RALGAPA1: variants seen among roughly 807,000 people sequenced by gnomAD.
RALGAPA1 encodes ral GTPase-activating protein subunit alpha-1.
A neutral mutation model predicts 269.6 loss-of-function variants in RALGAPA1; 52 were observed. The observed-to-expected ratio is 0.19, with a 90% CI of 0.15 to 0.24. The LOEUF (loss-of-function observed/expected upper bound fraction) is 0.24. Among genes scored for constraint, RALGAPA1 ranks in the 10% least tolerant of loss-of-function variants. The probability of loss-of-function intolerance (pLI) is 1.00; values close to 1 mark genes in which losing one functional copy is unlikely to be tolerated. For synonymous variants in RALGAPA1, 817 were observed against 1,008.3 expected (o/e 0.81, Z 3.60); for missense variants, 1,917 against 3,013.9 (o/e 0.64, Z 8.52).
chr14:35,654,285 T>G, intron 30 of RALGAPA1, 82 bp downstream of exon 30: 2 of 1,373,132 alleles, frequency 1.5e-6, no homozygotes, highest in Non-Finnish European at 9.6e-7. Flanking sequence ...ATTTTAAAAC[T>G]ATTAAATAAT....
chr14:35,655,728 C>A (rs1041678731), intron 29 of RALGAPA1, 79 bp downstream of exon 29: 53 of 1,522,022 alleles, frequency 3.5e-5, no homozygotes, highest in Non-Finnish European at 4.6e-5. Context: ...AAATGTTACA[C>A]AAGATACCAT....
At chr14:35,672,459 A>T (rs1309434193) in intron 25 of RALGAPA1, among the ~76,000 whole-genome samples, 6 of 152,120 alleles carry the variant, frequency 3.9e-5, no homozygotes, top group Admixed American at 6.5e-5. Flanking sequence ...TGATGTGCTG[A>T]TTCTTAGATT....
chr14:35,726,317 C>T (rs1447463299), intron 13 of RALGAPA1, among the ~76,000 whole-genome samples: 1 of 152,184 alleles, frequency 6.6e-6, no homozygotes, highest in Non-Finnish European at 1.5e-5. Flanking sequence ...CATTTGTAAC[C>T]TTATGCTTCT....
At chr14:35,780,821 T>C (rs951514058) in intron 1 of RALGAPA1, among the ~76,000 whole-genome samples, 1 of 152,038 alleles carries the variant, frequency 6.6e-6, no homozygotes. Flanking sequence ...GCTGGGTGCG[T>C]TGGTTCACGC....
At chr14:35,724,844 A>G (rs2069741977) in intron 14 of RALGAPA1, among the ~76,000 whole-genome samples, 180 bp downstream of exon 14, 3 of 152,358 alleles carry the variant, frequency 2.0e-5, no homozygotes, top group East Asian at 3.9e-4. Context: ...TAGATGAGCA[A>G]CTTTTAAGTT....
intron 31 of RALGAPA1, among the ~76,000 whole-genome samples, chr14:35,647,692 C>T (rs1167719802): frequency 6.6e-6 from 1 of 152,106 alleles, no homozygotes; most frequent in Non-Finnish European, 1.5e-5. Context: ...GTGGCTCACG[C>T]CTGTAATCCC....
intron 11 of RALGAPA1, among the ~76,000 whole-genome samples, chr14:35,739,609 C>G (rs1231869952): frequency 6.6e-6 from 1 of 152,182 alleles, no homozygotes; most frequent in Non-Finnish European, 1.5e-5. Flanking sequence ...GTTTAAAATT[C>G]CCATCCATGT....
chr14:35,753,995 T>G (rs2141283333), intron 7 of RALGAPA1, among the ~76,000 whole-genome samples: 1 of 152,296 alleles, frequency 6.6e-6, no homozygotes, highest in African/African-American at 2.4e-5. Flanking sequence ...AAATACTTGT[T>G]GATTTTCCAG....
In RALGAPA1 at chr14:35,678,083, T is replaced by G; in HGVS notation, c.4491A>C (p.Pro1497=). The change falls in exon 22 of 42, where the codon CCA becomes CCC. Residue 1497 remains proline, a synonymous_variant. Coordinates refer to ENST00000680220, the MANE Select transcript of RALGAPA1 (RefSeq NM_001346249.2). ...ACCTGGAGCCCAGAGGTGAGTGGAC[T>G]GGGGAAGCACTTTCTGAACCTGTAA... is the stretch of plus-strand genomic sequence containing the variant. ...ATITGSESAS[P]VHSPLGSRSQ... 6.2e-7 allele frequency: 1 copy of G among 1,606,016 alleles called. No homozygotes were observed.
chr14:35,711,910 T>C (rs777023041), intron 16 of RALGAPA1, among the ~76,000 whole-genome samples: 7 of 152,172 alleles, frequency 4.6e-5, no homozygotes, highest in Admixed American at 4.6e-4. Context: ...TCACCTAATA[T>C]GTTTTCGGTT....
intron 16 of RALGAPA1, among the ~76,000 whole-genome samples, chr14:35,713,867 G>GAGACCAGCCTGGCCAACGT (rs2068577125): frequency 6.6e-6 from 1 of 152,102 alleles, no homozygotes; most frequent in Non-Finnish European, 1.5e-5. Context: ...AGGCCCAGGC[G>GAGACCAGCCTGGCCAACGT]GGTGGACTAC....
At chr14:35,655,679 A>T (rs1274026964) in intron 29 of RALGAPA1, 128 bp downstream of exon 29, 50 of 1,330,432 alleles carry the variant, frequency 3.8e-5, no homozygotes, top group Non-Finnish European at 4.7e-5. Flanking sequence ...GTCAGGATCA[A>T]GAAAATAATA....
At chr14:35,594,818 A>G (rs1425789081) in intron 37 of RALGAPA1, among the ~76,000 whole-genome samples, 1 of 152,092 alleles carries the variant, frequency 6.6e-6, no homozygotes, top group African/African-American at 2.4e-5. Context: ...CTCAAAGGAA[A>G]TGAAATCACC....
In RALGAPA1 at chr14:35,782,379, C is replaced by T. The variant is rs1332675308; in HGVS notation, c.107-6634G>A. On this transcript the variant is annotated intron_variant, in intron 1 of 41. Transcript: ENST00000680220. ...GTAAGACTGAATGCTGTTAAGATAGCAACAGCCCCCAAATATACCTAAAGA... is the reference window on the plus strand; with the variant it reads ...GTAAGACTGAATGCTGTTAAGATAGTAACAGCCCCCAAATATACCTAAAGA... 2.0e-5 allele frequency among the ~76,000 whole-genome samples: 3 copies of T among 152,148 alleles called. No homozygotes were observed. The East Asian group carries it at 5.8e-4, about 29-fold the overall frequency.
At chr14:35,584,104 T>C (rs771672477) in intron 37 of RALGAPA1, among the ~76,000 whole-genome samples, 5 of 152,118 alleles carry the variant, frequency 3.3e-5, no homozygotes, top group Non-Finnish European at 5.9e-5. Flanking sequence ...TATAGTTTAA[T>C]AATAGCAGCA....
intron 16 of RALGAPA1, among the ~76,000 whole-genome samples, chr14:35,717,543 A>C (rs1470285836): frequency 6.6e-6 from 1 of 152,118 alleles, no homozygotes; most frequent in Non-Finnish European, 1.5e-5. Context: ...CGTAATTATG[A>C]TACAGGAAGT....
chr14:35,612,824 C>T (rs2060040756), intron 35 of RALGAPA1, among the ~76,000 whole-genome samples: 2 of 152,040 alleles, frequency 1.3e-5, no homozygotes, highest in African/African-American at 4.8e-5. Context: ...AGGTGTGAGC[C>T]ACCGTGCCCG....
intron 21 of RALGAPA1, among the ~76,000 whole-genome samples, chr14:35,681,836 ATTTAC>A (rs1185098458): frequency 6.6e-6 from 1 of 152,188 alleles, no homozygotes; most frequent in East Asian, 1.9e-4. Flanking sequence ...GTAAGTGGTG[ATTTAC>A]TTTGTCACTA....
At position 35,725,069 on chromosome 14, in the gene RALGAPA1, T is replaced by C; in HGVS notation, c.1821A>G (p.Lys607=). 2.5e-6 allele frequency: 4 copies of C among 1,606,238 alleles called. No homozygotes were observed. Among genetic ancestry groups the C allele is most frequent in the Non-Finnish European group, 3.4e-6 (4 of 1,176,386 alleles). Residue 607 remains lysine, a synonymous_variant, in exon 14 of 42, where the codon AAA becomes AAG. Coordinates refer to ENST00000680220, the MANE Select transcript of RALGAPA1 (RefSeq NM_001346249.2). Reference sequence around the variant, plus strand: ...GTCGACCTGCCAAGGTCATATTTTTTTTCCCTTGGAACTGTAGAAAAGCTT... The same window carrying C: ...GTCGACCTGCCAAGGTCATATTTTTCTTCCCTTGGAACTGTAGAAAAGCTT... ...PSQAFLQFQG[K]KNMTLAGRLA...
Sources: gnomAD v4.1 joint callset for allele counts (sites outside exome capture counted in the v4.1 genomes callset) on GRCh38, gnomAD v4.1.1 for gene constraint, MANE v1.5 for transcripts, NCBI Gene and HGNC (gene_info 2026-07-23, HGNC 2026-07-21) for gene names.